Variants in FSHR observed in about 807,000 individuals in gnomAD.
FSHR encodes the protein follicle stimulating hormone receptor.
A neutral mutation model predicts 52.1 loss-of-function variants in FSHR; 46 were observed. The ratio of observed to expected loss-of-function variants is 0.88; its 90% CI spans 0.70 to 1.13. The LOEUF is 1.13. Among genes scored for constraint, FSHR ranks in the 50% most tolerant of loss-of-function variants. The pLI is 0.00. For missense variants in FSHR, 964 were observed against 834.6 expected, an observed-to-expected ratio of 1.16 and a Z score of -1.91; for synonymous variants, 399 against 309.6, an observed-to-expected ratio of 1.29 and a Z score of -3.03.
At chr2:49,109,704 A>G (rs913959506) in intron 1 of FSHR, among the ~76,000 whole-genome samples, 1 of 152,194 alleles carries the variant, frequency 6.6e-6, no homozygotes, top group African/African-American at 2.4e-5. Flanking sequence ...ATAGTTCAAC[A>G]TCACATCTTC....
In FSHR at chr2:49,154,362, T is replaced by A. The variant is rs561684198; in HGVS notation, c.56A>T (p.His19Leu). ...GTTAGAGCAGTGACAGATCCGATGA[T>A]GACATCCTGAGCCCAAGCTCAGGAA... The part of the protein sequence containing the change: ...LAFLSLGSGC[H>L]HRICHCSNRV... Residue 19 changes from histidine to leucine, a missense_variant, in exon 1 of 10, where the codon CAT (histidine) becomes CTT (leucine). By Grantham distance (99) the His-to-Leu change is moderately conservative. Coordinates refer to ENST00000406846, the MANE Select transcript of FSHR (RefSeq NM_000145.4). 1.2e-6 allele frequency: 2 copies of A among 1,613,452 alleles called. No individual in the cohort carries two copies. The highest frequency in any genetic ancestry group is 2.7e-5 in the African/African-American group (2 of 74,890).
intron 4 of FSHR, among the ~76,000 whole-genome samples, chr2:49,005,144 A>G (rs1029818056): frequency 1.3e-5 from 2 of 152,054 alleles, no homozygotes; most frequent in African/African-American, 4.8e-5. Context: ...TGCTGATGGG[A>G]AGGACTTGGG....
At chr2:49,123,200 G>C (rs566199066) in intron 1 of FSHR, among the ~76,000 whole-genome samples, 2 of 152,258 alleles carry the variant, frequency 1.3e-5, no homozygotes, top group African/African-American at 4.8e-5. Flanking sequence ...AGCTAAAAGT[G>C]AGAATTTAAA....
rs141886438 is a variant in FSHR, at chr2:49,091,556, C to A, written c.153-23266G>T. The stretch of plus-strand genomic sequence containing the variant: ...AAGTGATCTGCCCAACTTGGCCTCC[C>A]AAAGTGCTGGGATTACAGGCATGAG... On this transcript the variant is annotated intron_variant, in intron 1 of 9. Coordinates refer to ENST00000406846, the MANE Select transcript of FSHR (RefSeq NM_000145.4). Among the ~76,000 whole-genome samples, 1,150 of 151,874 alleles carry A rather than the reference C, an allele frequency of 7.6e-3. 13 individuals are homozygous for A. Among genetic ancestry groups the A allele is most frequent in the African/African-American group, 0.027 (1,108 of 41,168 alleles).
chr2:48,978,900 C>T (rs1023890302), intron 8 of FSHR, among the ~76,000 whole-genome samples: 5 of 152,134 alleles, frequency 3.3e-5, no homozygotes, highest in Non-Finnish European at 5.9e-5. Flanking sequence ...GTGTGTGCCC[C>T]TTAATTTTCT....
intron 2 of FSHR, among the ~76,000 whole-genome samples, chr2:49,023,167 C>G (rs921280582): frequency 6.6e-6 from 1 of 152,214 alleles, no homozygotes; most frequent in Non-Finnish European, 1.5e-5. Context: ...CTCCTTTACT[C>G]TACCAGCACT....
chr2:49,126,062 C>A (rs1177781450), intron 1 of FSHR, among the ~76,000 whole-genome samples: 1 of 152,162 alleles, frequency 6.6e-6, no homozygotes, highest in Non-Finnish European at 1.5e-5. Flanking sequence ...ATGTGGGATT[C>A]CTAGAATCAC....
intron 1 of FSHR, among the ~76,000 whole-genome samples, chr2:49,100,138 G>C (rs1459007829): frequency 6.6e-6 from 1 of 152,048 alleles, no homozygotes; most frequent in African/African-American, 2.4e-5. Context: ...ATCATTCCAA[G>C]TTTCTAGATG....
chr2:49,016,853 A>T (rs1465594422), intron 4 of FSHR, among the ~76,000 whole-genome samples: 1 of 152,216 alleles, frequency 6.6e-6, no homozygotes, highest in African/African-American at 2.4e-5. Flanking sequence ...CTGGTAAATG[A>T]ACCCAGAAAG....
intron 8 of FSHR, 70 bp downstream of exon 8, chr2:48,982,842 G>T: frequency 7.6e-7 from 1 of 1,318,808 alleles, no homozygotes; most frequent in Non-Finnish European, 1.1e-6. Context: ...TTCTCCCCTA[G>T]CTGCAGAGAG....
intron 1 of FSHR, among the ~76,000 whole-genome samples, chr2:49,087,678 A>T (rs1670450556): frequency 6.6e-6 from 1 of 152,188 alleles, no homozygotes; most frequent in Non-Finnish European, 1.5e-5. Flanking sequence ...AATTACATAC[A>T]TATGCATAGT....
chr2:49,125,721 G>A (rs1054322699), intron 1 of FSHR, among the ~76,000 whole-genome samples: 8 of 152,178 alleles, frequency 5.3e-5, no homozygotes, highest in Admixed American at 2.6e-4. Context: ...CCTCGAATTT[G>A]CAGGACTGTT....
chr2:49,127,824 T>C (rs28478725), intron 1 of FSHR, among the ~76,000 whole-genome samples: 2,891 of 55,434 alleles, frequency 0.052, 475 homozygotes, highest in African/African-American at 0.19. Context: ...CTTCTTCTTC[T>C]TCTTCCTCTT....
intron 1 of FSHR, among the ~76,000 whole-genome samples, chr2:49,142,235 C>T (rs1044095399): frequency 6.6e-6 from 1 of 152,128 alleles, no homozygotes; most frequent in African/African-American, 2.4e-5. Flanking sequence ...GAAATGAAAA[C>T]ATTCAAGTTG....
At position 49,126,063 on chromosome 2, in the gene FSHR, C is replaced by T. The variant is rs570620340; in HGVS notation, c.152+28203G>A. ...AATTTCCACTACCCATGTGGGATTC[C>T]TAGAATCACAAATGACAAAGCAGTA... On this transcript the variant is annotated intron_variant, in intron 1 of 9. Transcript: ENST00000406846. Among the ~76,000 whole-genome samples, 594 of 152,224 alleles carry T rather than the reference C, an allele frequency of 3.9e-3. 6 individuals are homozygous for T. Among genetic ancestry groups the T allele is most frequent in the African/African-American group, 0.013 (551 of 41,564 alleles).
intron 4 of FSHR, among the ~76,000 whole-genome samples, chr2:48,993,170 A>C (rs751103888): frequency 1.1e-4 from 16 of 151,938 alleles, no homozygotes; most frequent in Non-Finnish European, 2.1e-4. Flanking sequence ...CTGTGATTTT[A>C]AGTAGCATCA....
intron 1 of FSHR, among the ~76,000 whole-genome samples, chr2:49,098,608 C>T (rs1225391249): frequency 6.6e-6 from 1 of 151,486 alleles, no homozygotes; most frequent in Non-Finnish European, 1.5e-5. Flanking sequence ...GAGATTTGAT[C>T]TTGCTACTTG....
chr2:49,102,441 G>T (rs969465596), intron 1 of FSHR, among the ~76,000 whole-genome samples: 1 of 152,174 alleles, frequency 6.6e-6, no homozygotes, highest in African/African-American at 2.4e-5. Flanking sequence ...ACACTATGGG[G>T]TTGGAGTTCA....
At chr2:49,150,079 G>A (rs1428392832) in intron 1 of FSHR, among the ~76,000 whole-genome samples, 1 of 151,958 alleles carries the variant, frequency 6.6e-6, no homozygotes, top group Non-Finnish European at 1.5e-5. Flanking sequence ...TCTAACTGCA[G>A]GAAGAATAAA....
Sources: allele counts gnomAD v4.1 joint callset (sites outside exome capture counted in the v4.1 genomes callset), GRCh38; gene constraint gnomAD v4.1.1; transcripts MANE v1.5; gene names NCBI Gene and HGNC (gene_info 2026-07-23, HGNC 2026-07-21).